Variants in PI3 observed in about 807,000 individuals in gnomAD.
PI3 encodes the protein elafin.
Under a neutral mutation model 6.0 loss-of-function variants are expected in PI3, and 4 were observed. The ratio of observed to expected loss-of-function variants is 0.67; its 90% confidence interval spans 0.33 to 1.54. The LOEUF (loss-of-function observed/expected upper bound fraction) is 1.54, where lower values mean the gene tolerates loss of function less well. Ranked by LOEUF, PI3 falls within the 40% of genes most tolerant of loss-of-function variation. The pLI, the probability that PI3 is intolerant of heterozygous loss-of-function variation, is 0.06. For synonymous variants in PI3, 58 were observed against 56.9 expected, an observed-to-expected ratio of 1.02 and a Z score of -0.09; for missense variants, 149 against 147.6, an observed-to-expected ratio of 1.01 and a Z score of -0.05.
intron 1 of PI3, among the ~76,000 whole-genome samples, chr20:45,175,364 A>G (rs1982769470): frequency 2.0e-5 from 3 of 152,222 alleles, no homozygotes; most frequent in African/African-American, 4.8e-5. Flanking sequence ...TGGAGTAATC[A>G]GTACTCTAAA....
chr20:45,174,934 C>T lies in PI3; in HGVS notation c.12C>T (p.Ser4=). The T allele has an allele frequency of 1.2e-6, 2 of 1,612,826 alleles. No homozygotes were observed. The highest frequency in any genetic ancestry group is 1.7e-6 in the Non-Finnish European group (2 of 1,179,130). Residue 4 remains serine, a synonymous_variant, in exon 1 of 3, where the codon AGC becomes AGT. Transcript: ENST00000243924. ...ACCTTCCTGACACCATGAGGGCCAG[C>T]AGCTTCTTGATCGTGGTGGTGTTCC... MRA[S]SFLIVVVFLI... is the part of the protein sequence containing the mutation.
intron 1 of PI3, among the ~76,000 whole-genome samples, chr20:45,175,417 G>A (rs1568818023): frequency 6.6e-6 from 1 of 152,204 alleles, no homozygotes; most frequent in Admixed American, 6.5e-5. Flanking sequence ...CATGTTGTTT[G>A]AGGACCCCCA....
chr20:45,175,991 C>T lies in PI3; in HGVS notation c.210C>T (p.Ser70=), dbSNP rs1201862644. The T allele has an allele frequency of 1.9e-6, 3 of 1,614,062 alleles. No individual in the cohort carries two copies. The highest frequency in any genetic ancestry group is 2.5e-6 in the Non-Finnish European group (3 of 1,180,028). ...AAGAGCCAGTCAAAGGTCCAGTCTC[C>T]ACTAAGCCTGGCTCCTGCCCCATTA... ...KAQEPVKGPV[S]TKPGSCPIIL... Residue 70 remains serine, a synonymous_variant, in exon 2 of 3, where the codon TCC becomes TCT. Transcript: ENST00000243924.
At position 45,176,029 on chromosome 20, in the gene PI3, G is replaced by A. The variant is rs745628228; in HGVS notation, c.248G>A (p.Cys83Tyr). Residue 83 changes from cysteine (C) to tyrosine (Y), a missense_variant, in exon 2 of 3, where the codon TGC becomes TAC. Coordinates refer to ENST00000243924, the MANE Select transcript of PI3 (RefSeq NM_002638.4). ...TCCTGCCCCATTATCTTGATCCGGT[G>A]CGCCATGTTGAATCCCCCTAACCGC... ...PGSCPIILIR[C>Y]AMLNPPNRCL... is the part of the protein sequence containing the mutation. 7 of 1,614,146 alleles carry A rather than the reference G, an allele frequency of 4.3e-6. No individual in the cohort carries two copies. The highest frequency in any genetic ancestry group is 5.1e-6 in the Non-Finnish European group (6 of 1,180,028).
intron 1 of PI3, 99 bp downstream of exon 1, chr20:45,175,100 G>A: frequency 1.3e-6 from 1 of 747,530 alleles, no homozygotes; most frequent in African/African-American, 1.8e-5. Context: ...GCAGTAGGCA[G>A]CACTGGAGCC....
rs1284694252 is a variant in PI3, at chr20:45,176,424, G to A, written c.*56G>A. On this transcript the variant is annotated 3_prime_UTR_variant, in exon 3 of 3. Transcript: ENST00000243924. The stretch of plus-strand genomic sequence containing the variant: ...GTCCCCAGAGCTACAGGCCCCATCT[G>A]GTCCTAAGTCCCTGCTGCCCTTCCC... The A allele has an allele frequency of 2.2e-6, 1 of 461,412 alleles. No homozygotes were observed. The allele number at this position is 461,412 out of a possible 1,614,324, so 28.6% of individuals were successfully genotyped here.
rs1982786923 is a variant in PI3 at position 45,176,068 on chromosome 20, C to G, written c.287C>G (p.Thr96Ser). 2 of 1,614,086 alleles carry G rather than the reference C, an allele frequency of 1.2e-6. No homozygotes were observed. Among genetic ancestry groups the G allele is most frequent in the Admixed American group, 1.7e-5 (1 of 60,008 alleles). The change falls in exon 2 of 3, where the codon ACT becomes AGT. Residue 96 changes from threonine to serine, a missense_variant. Transcript: ENST00000243924. ...LNPPNRCLKDTDCPGIKKCCE... is the reference protein window; with the variant it reads ...LNPPNRCLKDSDCPGIKKCCE... The stretch of plus-strand genomic sequence containing the variant: ...CCCCCTAACCGCTGCTTGAAAGATA[C>G]TGACTGCCCAGGAATCAAGAAGTGC...
At position 45,176,148 on chromosome 20, in the gene PI3, C is replaced by G; in HGVS notation, c.*1+12C>G. The G allele has an allele frequency of 6.2e-7, 1 of 1,613,052 alleles. No individual in the cohort carries two copies. Among genetic ancestry groups the G allele is most frequent in the Non-Finnish European group, 8.5e-7 (1 of 1,179,394 alleles). Reference sequence around the variant, plus strand: ...CGTTCCCCAGTGAGGTGAGCACTAGCTGGAGAACGAGGAGACCCCTGAAGA... The same window carrying G: ...CGTTCCCCAGTGAGGTGAGCACTAGGTGGAGAACGAGGAGACCCCTGAAGA... On this transcript the variant is annotated intron_variant, in intron 2 of 2. Transcript: ENST00000243924.
Position 45,176,210 on chromosome 20 carries a change from G to A in PI3, c.*1+74G>A, listed in dbSNP as rs1982791965. ...GCTGAGCGGTGGGGAAGCATCCCAG[G>A]TTGGTGGGAGGGAGGTTGTGGGAGG... is the stretch of plus-strand genomic sequence containing the variant. On this transcript the variant is annotated intron_variant, in intron 2 of 2. Coordinates refer to ENST00000243924, the MANE Select transcript of PI3 (RefSeq NM_002638.4). 4.7e-6 allele frequency: 7 copies of A among 1,496,094 alleles called. No individual in the cohort carries two copies. In the Admixed American group the frequency reaches 7.0e-5, roughly 15 times the overall value. The allele number at this position is 1,496,094 out of a possible 1,614,324, so 92.7% of individuals were successfully genotyped here. A position where few individuals can be genotyped will look rare whatever the true frequency, so the allele number is the denominator to read the frequency against.
rs777579185 is a variant in PI3 at position 45,176,016 on chromosome 20, A to G, written c.235A>G (p.Ile79Val). The G allele has an allele frequency of 1.2e-6, 2 of 1,614,170 alleles. No homozygotes were observed. Reference protein sequence around the residue: ...VSTKPGSCPIILIRCAMLNPP... With the variant: ...VSTKPGSCPIVLIRCAMLNPP... Reference sequence around the variant, plus strand: ...CACTAAGCCTGGCTCCTGCCCCATTATCTTGATCCGGTGCGCCATGTTGAA... The same window carrying G: ...CACTAAGCCTGGCTCCTGCCCCATTGTCTTGATCCGGTGCGCCATGTTGAA... The change falls in exon 2 of 3, where the codon ATC (isoleucine) becomes GTC (valine). Residue 79 changes from isoleucine to valine, a missense_variant. Coordinates refer to ENST00000243924, the MANE Select transcript of PI3 (RefSeq NM_002638.4).
At chr20:45,175,750 T>C (rs41282754) in intron 1 of PI3, 111 bp from the exon 2 acceptor site, 5 of 1,115,152 alleles carry the variant, frequency 4.5e-6, no homozygotes, top group East Asian at 2.4e-5. Context: ...CAGGCCATGG[T>C]TTGAGGATGC....
chr20:45,176,196 G>A, intron 2 of PI3, 60 bp downstream of exon 2: 6 of 1,563,204 alleles, frequency 3.8e-6, no homozygotes, highest in Non-Finnish European at 3.5e-6. Context: ...CTGAGCGGTG[G>A]GGAAGCATCC....
At position 45,175,871 on chromosome 20, in the gene PI3, AG is replaced by A; in HGVS notation, c.92del (p.Gly31ValfsTer50). ...TTCTTCTTTTAACAGTTCCTGTTAA[AG>A]GTCAAGACACTGTCAAAGGCCGTGT... ...EAAVTGVPVK[G>X]QDTVKGRVPF... is the part of the protein sequence containing the mutation. On this transcript the variant is annotated frameshift_variant, in exon 2 of 3. Coordinates refer to ENST00000243924, the MANE Select transcript of PI3 (RefSeq NM_002638.4). LOFTEE classifies it high-confidence loss of function. 1 of 1,614,068 alleles carries A rather than the reference AG, an allele frequency of 6.2e-7. No individual in the cohort carries two copies. The highest frequency in any genetic ancestry group is 8.5e-7 in the Non-Finnish European group (1 of 1,179,936).
At chr20:45,176,268 G>A in intron 2 of PI3, 102 bp from the exon 3 acceptor site, 5 of 831,402 alleles carry the variant, frequency 6.0e-6, no homozygotes, top group South Asian at 5.0e-5. Context: ...AGGGGTCTGA[G>A]AGGCTATAAC....
At position 45,175,953 on chromosome 20, in the gene PI3, A is replaced by C; in HGVS notation, c.172A>C (p.Lys58Gln). Residue 58 changes from lysine to glutamine, a missense_variant, in exon 2 of 3, where the codon AAA becomes CAA. Lys to Gln is a moderately conservative substitution (Grantham distance 53). Coordinates refer to ENST00000243924, the MANE Select transcript of PI3 (RefSeq NM_002638.4). Reference sequence around the variant, plus strand: ...ACAAGTTTCAGTTAAAGGTCAAGATAAAGTCAAAGCGCAAGAGCCAGTCAA... The same window carrying C: ...ACAAGTTTCAGTTAAAGGTCAAGATCAAGTCAAAGCGCAAGAGCCAGTCAA... ...KGQVSVKGQD[K>Q]VKAQEPVKGP... 6.2e-7 allele frequency: 1 copy of C among 1,614,218 alleles called. No homozygotes were observed. Among genetic ancestry groups the C allele is most frequent in the South Asian group, 1.1e-5 (1 of 91,080 alleles).
At position 45,176,115 on chromosome 20, in the gene PI3, G is replaced by A; in HGVS notation, c.334G>A (p.Ala112Thr). ...GTGCTGTGAAGGCTCTTGCGGGATGGCCTGTTTCGTTCCCCAGTGAGGTGA... is the reference window on the plus strand; with the variant it reads ...GTGCTGTGAAGGCTCTTGCGGGATGACCTGTTTCGTTCCCCAGTGAGGTGA... ...KKCCEGSCGMACFVPQ is the reference protein window; with the variant it reads ...KKCCEGSCGMTCFVPQ The change falls in exon 2 of 3, where the codon GCC (alanine) becomes ACC (threonine). Residue 112 changes from alanine (A) to threonine (T), a missense_variant. Physicochemically the swap from Ala to Thr is moderately conservative, Grantham distance 58 (BLOSUM62 0). Coordinates refer to ENST00000243924, the MANE Select transcript of PI3 (RefSeq NM_002638.4). 2 of 1,614,100 alleles carry A rather than the reference G, an allele frequency of 1.2e-6. No individual in the cohort carries two copies. Among genetic ancestry groups the A allele is most frequent in the Non-Finnish European group, 1.7e-6 (2 of 1,179,996 alleles).
rs1247408081 is a variant in PI3, at chr20:45,174,914, C to T, written c.-9C>T. 3.1e-6 allele frequency: 5 copies of T among 1,610,188 alleles called. No individual in the cohort carries two copies. Among genetic ancestry groups the T allele is most frequent in the Admixed American group, 1.7e-5 (1 of 59,758 alleles). On this transcript the variant is annotated 5_prime_UTR_variant, in exon 1 of 3. Transcript: ENST00000243924. The stretch of plus-strand genomic sequence containing the variant: ...GCCTTAGCTCTTAGCCAAACACCTT[C>T]CTGACACCATGAGGGCCAGCAGCTT...
rs1242614662 is a variant in PI3 at position 45,174,978 on chromosome 20, T to C, written c.56T>C (p.Val19Ala). The change falls in exon 1 of 3, where the codon GTT (valine) becomes GCT (alanine). Residue 19 changes from valine (V) to alanine (A), a missense_variant. By Grantham distance (64) the Val-to-Ala change is moderately conservative. Transcript: ENST00000243924. Reference sequence around the variant, plus strand: ...GTGTTCCTCATCGCTGGGACGCTGGTTCTAGAGGCAGCTGTCACGGGAGGT... The same window carrying C: ...GTGTTCCTCATCGCTGGGACGCTGGCTCTAGAGGCAGCTGTCACGGGAGGT... ...VVVFLIAGTL[V>A]LEAAVTGVPV... is the part of the protein sequence containing the mutation. 6.2e-7 allele frequency: 1 copy of C among 1,612,840 alleles called. No homozygotes were observed. Among genetic ancestry groups the C allele is most frequent in the East Asian group, 2.2e-5 (1 of 44,758 alleles).
At chr20:45,175,669 G>T (rs1299573315) in intron 1 of PI3, among the ~76,000 whole-genome samples, 192 bp from the exon 2 acceptor site, 1 of 152,104 alleles carries the variant, frequency 6.6e-6, no homozygotes, top group Non-Finnish European at 1.5e-5. Context: ...GGGAACTCTG[G>T]TCCAGTAGAC....
Sources: allele counts gnomAD v4.1 joint callset (sites outside exome capture counted in the v4.1 genomes callset), GRCh38; gene constraint gnomAD v4.1.1; transcripts MANE v1.5; gene names NCBI Gene and HGNC (gene_info 2026-07-23, HGNC 2026-07-21).